The following FBXL7 variants were observed in gnomAD, a reference collection of about 807,000 sequenced individuals.
The protein encoded by FBXL7 is F-box/LRR-repeat protein 7.
Under a neutral mutation model 38.3 loss-of-function variants are expected in FBXL7, and 12 were observed. The observed-to-expected ratio is 0.31, with a 90% confidence interval of 0.20 to 0.51. The LOEUF (loss-of-function observed/expected upper bound fraction) is 0.51, where lower values mean the gene tolerates loss of function less well. Ranked by LOEUF, FBXL7 falls within the 20% of genes least tolerant of loss-of-function variation. The pLI, the probability that FBXL7 is intolerant of heterozygous loss-of-function variation, is 0.98. For synonymous variants in FBXL7, 297 were observed against 300.9 expected, an observed-to-expected ratio of 0.99 and a Z score of 0.13; for missense variants, 567 against 676.4, an observed-to-expected ratio of 0.84 and a Z score of 1.79.
intron 2 of FBXL7, among the ~76,000 whole-genome samples, chr5:15,673,605 G>A (rs1742557134): frequency 6.6e-6 from 1 of 152,108 alleles, no homozygotes; most frequent in Non-Finnish European, 1.5e-5. Context: ...GTCCAACAGT[G>A]TTACCATTGC....
chr5:15,647,495 G>A (rs1318362137), intron 2 of FBXL7, among the ~76,000 whole-genome samples: 1 of 152,202 alleles, frequency 6.6e-6, no homozygotes, highest in Non-Finnish European at 1.5e-5. Context: ...CAATCCAGGA[G>A]ACAAAGAGGT....
intron 2 of FBXL7, among the ~76,000 whole-genome samples, chr5:15,663,873 G>A (rs1275800838): frequency 1.3e-5 from 2 of 152,116 alleles, no homozygotes; most frequent in East Asian, 3.8e-4. Context: ...TTTATAGGCA[G>A]GTCTTGCTTT....
chr5:15,809,426 A>G (rs1295443035), intron 2 of FBXL7, among the ~76,000 whole-genome samples: 1 of 152,228 alleles, frequency 6.6e-6, no homozygotes, highest in Non-Finnish European at 1.5e-5. Context: ...TTCTACAAAA[A>G]GTAAGAGAGA....
At chr5:15,895,623 C>T (rs900944457) in intron 2 of FBXL7, among the ~76,000 whole-genome samples, 2 of 140,754 alleles carry the variant, frequency 1.4e-5, no homozygotes, top group Admixed American at 1.4e-4. Flanking sequence ...GCTTAGGGCC[C>T]TTTTTCATAC....
chr5:15,601,898 G>T (rs559273165), intron 1 of FBXL7, among the ~76,000 whole-genome samples: 2 of 152,296 alleles, frequency 1.3e-5, no homozygotes, highest in Middle Eastern at 3.4e-3. Context: ...TGGAAATAGG[G>T]TTGTTGCACA....
chr5:15,700,027 GC>G (rs1034202880), intron 2 of FBXL7, among the ~76,000 whole-genome samples: 1 of 152,172 alleles, frequency 6.6e-6, no homozygotes, highest in African/African-American at 2.4e-5. Context: ...CATAGCCCAT[GC>G]TTTTAAGGAA....
chr5:15,654,201 T>G (rs1255635834), intron 2 of FBXL7, among the ~76,000 whole-genome samples: 3 of 152,206 alleles, frequency 2.0e-5, no homozygotes, highest in Non-Finnish European at 4.4e-5. Context: ...GGTGCATAAC[T>G]TCTTGTAATA....
At chr5:15,694,037 C>CA (rs1042211417) in intron 2 of FBXL7, among the ~76,000 whole-genome samples, 40 of 71,236 alleles carry the variant, frequency 5.6e-4, no homozygotes, top group Non-Finnish European at 1.3e-3. Flanking sequence ...TGCCTGGGGA[C>CA]GGTAAGCTGA....
Position 15,937,670 on chromosome 5 carries a change from C to T in FBXL7, c.*484C>T, listed in dbSNP as rs375946975. 6.2e-6 allele frequency: 1 copy of T among 162,216 alleles called. No homozygotes were observed. Among genetic ancestry groups the T allele is most frequent in the Non-Finnish European group, 1.4e-5 (1 of 73,552 alleles). 10.0% of individuals were successfully genotyped at this position (162,216 alleles called of 1,614,324 possible). A position where few individuals can be genotyped will look rare whatever the true frequency, so the allele number is the denominator to read the frequency against. ...TTGACCTAAGTCACTCTCTTCAATC[C>T]CACACCCATGGACATTCTTGTCAAC... is the stretch of plus-strand genomic sequence containing the variant. On this transcript the variant is annotated 3_prime_UTR_variant, in exon 4 of 4. Coordinates refer to ENST00000504595, the MANE Select transcript of FBXL7 (RefSeq NM_012304.5).
chr5:15,625,821 A>G (rs1740796946), intron 2 of FBXL7, among the ~76,000 whole-genome samples: 1 of 152,234 alleles, frequency 6.6e-6, no homozygotes, highest in South Asian at 2.1e-4. Flanking sequence ...GTCTATTACA[A>G]TAGAAGGAAA....
chr5:15,800,902 C>T (rs1009940046), intron 2 of FBXL7, among the ~76,000 whole-genome samples: 6 of 152,110 alleles, frequency 3.9e-5, no homozygotes, highest in African/African-American at 1.4e-4. Context: ...TCAGGATTCT[C>T]CAGAGAAACA....
At chr5:15,602,641 TGAA>T (rs369371012) in intron 1 of FBXL7, among the ~76,000 whole-genome samples, 26 of 152,200 alleles carry the variant, frequency 1.7e-4, no homozygotes, top group African/African-American at 6.0e-4. Context: ...TAAACAATAA[TGAA>T]GTTTTGTTAA....
intron 2 of FBXL7, among the ~76,000 whole-genome samples, chr5:15,793,669 A>G (rs1425151107): frequency 6.6e-6 from 1 of 152,200 alleles, no homozygotes; most frequent in East Asian, 1.9e-4. Context: ...AGTGCACTGT[A>G]TAGTAACTTA....
chr5:15,881,956 C>T (rs1027064543), intron 2 of FBXL7, among the ~76,000 whole-genome samples: 1 of 152,124 alleles, frequency 6.6e-6, no homozygotes, highest in African/African-American at 2.4e-5. Flanking sequence ...GGGGAGGCCT[C>T]AGGAAACTTA....
intron 2 of FBXL7, among the ~76,000 whole-genome samples, chr5:15,815,972 A>G (rs1483023513): frequency 2.0e-5 from 3 of 152,220 alleles, no homozygotes; most frequent in Non-Finnish European, 2.9e-5. Flanking sequence ...CTACCTAATG[A>G]TTTAGATAGA....
chr5:15,506,011 G>T (rs1055074948), intron 1 of FBXL7, among the ~76,000 whole-genome samples: 1 of 152,090 alleles, frequency 6.6e-6, no homozygotes, highest in South Asian at 2.1e-4. Context: ...TACAGTTTGA[G>T]GTAAGACAGC....
intron 2 of FBXL7, among the ~76,000 whole-genome samples, chr5:15,801,138 T>A (rs1456509480): frequency 2.0e-5 from 3 of 152,204 alleles, no homozygotes; most frequent in Admixed American, 2.0e-4. Context: ...GGTAATCTCC[T>A]TTACAAAAGT....
intron 2 of FBXL7, among the ~76,000 whole-genome samples, chr5:15,902,651 T>C (rs2126412125): frequency 6.6e-6 from 1 of 152,366 alleles, no homozygotes; most frequent in South Asian, 2.1e-4. Context: ...CAGAATTTGC[T>C]AGCTGCTTTT....
chr5:15,692,487 T>C (rs1743214108), intron 2 of FBXL7, among the ~76,000 whole-genome samples: 1 of 152,194 alleles, frequency 6.6e-6, no homozygotes, highest in South Asian at 2.1e-4. Flanking sequence ...TTTGCTTGCC[T>C]CTCAGTTTTT....
Sources: gnomAD v4.1 joint callset for allele counts (sites outside exome capture counted in the v4.1 genomes callset) on GRCh38, gnomAD v4.1.1 for gene constraint, MANE v1.5 for transcripts, NCBI Gene and HGNC (gene_info 2026-07-23, HGNC 2026-07-21) for gene names.